The following PPP4R4 variants were observed in gnomAD, a reference collection of about 807,000 sequenced individuals.
The protein encoded by PPP4R4 is protein phosphatase 4 regulatory subunit 4.
Under a neutral mutation model 121.8 loss-of-function variants are expected in PPP4R4, and 70 were observed. The observed-to-expected ratio is 0.57, with a 90% CI of 0.47 to 0.70. The LOEUF (loss-of-function observed/expected upper bound fraction) is 0.70. PPP4R4 is among the 30% of genes least tolerant of loss of function. The pLI, the probability that PPP4R4 is intolerant of heterozygous loss-of-function variation, is 0.00. For missense variants in PPP4R4, 875 were observed against 1,033.6 expected (o/e 0.85, Z 2.10); for synonymous variants, 348 against 355.7 (o/e 0.98, Z 0.24).
At chr14:94,215,937 T>C (rs1890996590) in intron 3 of PPP4R4, among the ~76,000 whole-genome samples, 1 of 152,232 alleles carries the variant, frequency 6.6e-6, no homozygotes, top group South Asian at 2.1e-4. Flanking sequence ...TCTGGGTATA[T>C]ATAGTTATAT....
intron 3 of PPP4R4, among the ~76,000 whole-genome samples, chr14:94,220,318 AAG>A (rs1891314430): frequency 6.6e-6 from 1 of 152,220 alleles, no homozygotes. Flanking sequence ...TTAAAGGTGA[AAG>A]ACTTTTTCCT....
intron 19 of PPP4R4, among the ~76,000 whole-genome samples, chr14:94,260,545 C>T (rs1893730830): frequency 6.6e-6 from 1 of 151,928 alleles, no homozygotes; most frequent in Non-Finnish European, 1.5e-5. Context: ...GTAATGGTAT[C>T]TCATTTTTTT....
At chr14:94,199,577 C>T (rs1246700855) in intron 2 of PPP4R4, among the ~76,000 whole-genome samples, 1 of 152,144 alleles carries the variant, frequency 6.6e-6, no homozygotes, top group Non-Finnish European at 1.5e-5. Context: ...TCGGATCACA[C>T]GTGGACTTGG....
Position 94,240,800 on chromosome 14 carries a change from G to A in PPP4R4, c.976+5G>A. On this transcript the variant is annotated splice_donor_5th_base_variant and intron_variant, in intron 9 of 24. Coordinates refer to ENST00000304338, the MANE Select transcript of PPP4R4 (RefSeq NM_058237.2). ...AACTATGTCATGGACTATATGGTAT[G>A]ATATATCCTAAGAATTTTGAGACTG... 6.6e-7 allele frequency: 1 copy of A among 1,513,938 alleles called. No homozygotes were observed. Among genetic ancestry groups the A allele is most frequent in the Non-Finnish European group, 8.8e-7 (1 of 1,137,192 alleles). 93.8% of individuals were successfully genotyped at this position (1,513,938 alleles called of 1,614,324 possible).
intron 2 of PPP4R4, among the ~76,000 whole-genome samples, chr14:94,196,194 TCCC>T: frequency 6.6e-6 from 1 of 151,552 alleles, no homozygotes; most frequent in Non-Finnish European, 1.5e-5. Context: ...AAAAATTCCT[TCCC>T]TTGCTTTGGT....
At chr14:94,224,515 A>C (rs1891589067) in intron 3 of PPP4R4, among the ~76,000 whole-genome samples, 1 of 152,172 alleles carries the variant, frequency 6.6e-6, no homozygotes, top group South Asian at 2.1e-4. Flanking sequence ...AGCAATAAAA[A>C]ACCAATAGTA....
intron 14 of PPP4R4, among the ~76,000 whole-genome samples, chr14:94,248,045 A>G (rs1227080071): frequency 1.3e-5 from 2 of 152,210 alleles, no homozygotes; most frequent in Non-Finnish European, 2.9e-5. Flanking sequence ...TAAACATAGT[A>G]CTAGAAGTCC....
chr14:94,215,174 ATCC>A lies in PPP4R4; in HGVS notation c.294+6613_294+6615del, dbSNP rs974754037. On this transcript the variant is annotated intron_variant, in intron 3 of 24. Transcript: ENST00000304338. The stretch of plus-strand genomic sequence containing the variant: ...ATGCTTTAGATATATCCTTAAAAAA[ATCC>A]TCCTAACAGCTCCGTGTGATGTATT... Among the ~76,000 whole-genome samples, 52 of 152,332 alleles carry A rather than the reference ATCC, an allele frequency of 3.4e-4. No homozygotes were observed. In the Middle Eastern group the frequency reaches 0.017, roughly 50 times the overall value.
chr14:94,199,683 C>T (rs1019755266), intron 2 of PPP4R4, among the ~76,000 whole-genome samples: 1 of 152,128 alleles, frequency 6.6e-6, no homozygotes, highest in Non-Finnish European at 1.5e-5. Context: ...CCCCTGGAGT[C>T]GGGCTGCTTA....
chr14:94,210,424 A>C (rs1271564448), intron 3 of PPP4R4, among the ~76,000 whole-genome samples: 2 of 151,894 alleles, frequency 1.3e-5, no homozygotes, highest in Non-Finnish European at 2.9e-5. Flanking sequence ...ATATGGTTTT[A>C]ATAAGCTTTA....
chr14:94,213,619 C>T (rs1890861309), intron 3 of PPP4R4, among the ~76,000 whole-genome samples: 1 of 152,136 alleles, frequency 6.6e-6, no homozygotes, highest in Non-Finnish European at 1.5e-5. Context: ...TATAAGAAGG[C>T]AGACGAGAGT....
intron 2 of PPP4R4, among the ~76,000 whole-genome samples, chr14:94,196,812 T>G (rs17129516): frequency 1.3e-5 from 2 of 152,084 alleles, no homozygotes; most frequent in South Asian, 4.1e-4. Context: ...TCTTACACAT[T>G]AAAAATTTCT....
intron 2 of PPP4R4, among the ~76,000 whole-genome samples, chr14:94,199,926 G>A (rs1350343546): frequency 6.6e-6 from 1 of 152,126 alleles, no homozygotes; most frequent in Non-Finnish European, 1.5e-5. Flanking sequence ...CACAGGATGA[G>A]GGTGTGGTGG....
chr14:94,199,806 C>T (rs1313502600), intron 2 of PPP4R4, among the ~76,000 whole-genome samples: 1 of 152,192 alleles, frequency 6.6e-6, no homozygotes, highest in Non-Finnish European at 1.5e-5. Flanking sequence ...ATGCGCTCCT[C>T]TTGACGGCCT....
chr14:94,204,608 AT>A (rs1424246316), intron 2 of PPP4R4, among the ~76,000 whole-genome samples: 7 of 152,084 alleles, frequency 4.6e-5, no homozygotes, highest in Non-Finnish European at 1.0e-4. Flanking sequence ...AATATAATCT[AT>A]GTCTCCCGAA....
At position 94,253,595 on chromosome 14, in the gene PPP4R4, T is replaced by C. The variant is rs115693997; in HGVS notation, c.1865+1699T>C. ...TTTCAATGTGATGTATTGTCACTTA[T>C]CAGGCAGTTGACAAAAATAATTTGA... On this transcript the variant is annotated intron_variant, in intron 16 of 24. Transcript: ENST00000304338. Among the ~76,000 whole-genome samples, 882 of 152,362 alleles carry C rather than the reference T, an allele frequency of 5.8e-3. 10 individuals carry two copies. The highest frequency in any genetic ancestry group is 0.02 in the African/African-American group (849 of 41,590).
At chr14:94,184,516 C>T (rs1265407614) in intron 2 of PPP4R4, among the ~76,000 whole-genome samples, 4 of 152,130 alleles carry the variant, frequency 2.6e-5, no homozygotes, top group African/African-American at 7.2e-5. Context: ...GCCTCAACCC[C>T]GCAAGGTGCT....
At position 94,183,507 on chromosome 14, in the gene PPP4R4, G is replaced by C. The variant is rs759969732; in HGVS notation, c.191+7380G>C. 1.1e-4 allele frequency among the ~76,000 whole-genome samples: 16 copies of C among 152,132 alleles called. 1 individual carries two copies. The highest frequency in any genetic ancestry group is 1.0e-3 in the South Asian group (5 of 4,828). On this transcript the variant is annotated intron_variant, in intron 2 of 24. Coordinates refer to ENST00000304338, the MANE Select transcript of PPP4R4 (RefSeq NM_058237.2). ...AAGTACGAGGTCTGTGAATATAAAG[G>C]GTTTGGAGATTGTTTCCCATCTCTG...
intron 2 of PPP4R4, among the ~76,000 whole-genome samples, chr14:94,193,526 A>G (rs1889712716): frequency 6.6e-6 from 1 of 152,170 alleles, no homozygotes; most frequent in Non-Finnish European, 1.5e-5. Flanking sequence ...AGTATATTAG[A>G]TGCTATTTTT....
Sources: allele counts gnomAD v4.1 joint callset (sites outside exome capture counted in the v4.1 genomes callset), GRCh38; gene constraint gnomAD v4.1.1; transcripts MANE v1.5; gene names NCBI Gene and HGNC (gene_info 2026-07-23, HGNC 2026-07-21).